The following PTPRN2 variants were observed in gnomAD, a reference collection of about 807,000 sequenced individuals.
The protein encoded by PTPRN2 is receptor-type tyrosine-protein phosphatase N2.
Under a neutral mutation model 118.8 loss-of-function variants are expected in PTPRN2, and 74 were observed. The observed-to-expected ratio is 0.62, with a 90% CI of 0.52 to 0.76. The LOEUF (loss-of-function observed/expected upper bound fraction) is 0.76, where lower values mean the gene tolerates loss of function less well. Ranked by LOEUF, PTPRN2 falls within the 30% of genes least tolerant of loss-of-function variation. The probability of loss-of-function intolerance (pLI) is 0.00; values close to 1 mark genes in which losing one functional copy is unlikely to be tolerated. For synonymous variants in PTPRN2, 641 were observed against 608.0 expected (o/e 1.05, Z -0.80); for missense variants, 1,481 against 1,394.4 (o/e 1.06, Z -0.99).
At chr7:157,832,096 C>T (rs951273456) in intron 12 of PTPRN2, among the ~76,000 whole-genome samples, 18 of 152,276 alleles carry the variant, frequency 1.2e-4, no homozygotes, top group Middle Eastern at 3.4e-3. Context: ...CAGCAGCGCC[C>T]GGAAGCTCGG....
chr7:157,884,103 G>A (rs943813569), intron 12 of PTPRN2, among the ~76,000 whole-genome samples: 2 of 151,630 alleles, frequency 1.3e-5, no homozygotes, highest in Admixed American at 6.6e-5. Flanking sequence ...CAAAATGCCT[G>A]TCAGAGACCA....
intron 6 of PTPRN2, among the ~76,000 whole-genome samples, chr7:158,155,607 T>TCAA (rs1821707676): frequency 1.3e-5 from 2 of 151,306 alleles, no homozygotes; most frequent in African/African-American, 2.4e-5. Context: ...ATCATCACCA[T>TCAA]CACCATCAAC....
At chr7:158,378,277 C>T (rs1256363711) in intron 2 of PTPRN2, among the ~76,000 whole-genome samples, 2 of 152,174 alleles carry the variant, frequency 1.3e-5, no homozygotes, top group Non-Finnish European at 2.9e-5. Flanking sequence ...TCTTGACATT[C>T]GCTCCCCAGG....
intron 11 of PTPRN2, among the ~76,000 whole-genome samples, chr7:158,071,423 G>GGAGGTGCTCGTGGTT (rs1811592130): frequency 2.6e-5 from 3 of 114,672 alleles, no homozygotes; most frequent in Non-Finnish European, 5.6e-5. Context: ...TCCTGGTGGT[G>GGAGGTGCTCGTGGTT]GAGGTGCTCG....
At chr7:158,284,531 G>A (rs1371525387) in intron 3 of PTPRN2, among the ~76,000 whole-genome samples, 2 of 152,180 alleles carry the variant, frequency 1.3e-5, no homozygotes, top group Non-Finnish European at 2.9e-5. Context: ...GAGAATTTGA[G>A]CTCAGGCAGA....
rs905708581 is a variant in PTPRN2, at chr7:157,632,989, C to T, written c.2197-11480G>A. 2.0e-5 allele frequency among the ~76,000 whole-genome samples: 3 copies of T among 152,044 alleles called. No homozygotes were observed. The highest frequency in any genetic ancestry group is 4.8e-5 in the African/African-American group (2 of 41,404). ...GCTGTCATTTCTGTCGGATTCCTGCCGATGTTGTGGTGGTCTAGTCATCTG... is the reference window on the plus strand; with the variant it reads ...GCTGTCATTTCTGTCGGATTCCTGCTGATGTTGTGGTGGTCTAGTCATCTG... On this transcript the variant is annotated intron_variant, in intron 14 of 22. Coordinates refer to ENST00000389418, the MANE Select transcript of PTPRN2 (RefSeq NM_002847.5). The surrounding 1 kb of genome is among the most constrained non-coding windows in gnomAD (Gnocchi z 4.3).
At chr7:157,910,704 A>ATGTG (rs1563231556) in intron 11 of PTPRN2, among the ~76,000 whole-genome samples, 10 of 85,544 alleles carry the variant, frequency 1.2e-4, no homozygotes, top group African/African-American at 5.3e-4. Flanking sequence ...GCGGCAGGGC[A>ATGTG]CGTGTGTGTG....
intron 11 of PTPRN2, among the ~76,000 whole-genome samples, chr7:157,912,589 A>G (rs1238064228): frequency 6.6e-6 from 1 of 152,230 alleles, no homozygotes; most frequent in Non-Finnish European, 1.5e-5. Flanking sequence ...CTATATAAAG[A>G]TATCTATATA....
chr7:158,089,650 T>G (rs62480183), intron 10 of PTPRN2, among the ~76,000 whole-genome samples: 12,812 of 37,868 alleles, frequency 0.34, 1,931 homozygotes, highest in Middle Eastern at 0.59. Context: ...CTTCCCCTGA[T>G]GAAAGGGGGA....
In PTPRN2 at chr7:157,583,621, C is replaced by T. The variant is rs1800505600; in HGVS notation, c.2497-5481G>A. Among the ~76,000 whole-genome samples, 1 of 152,224 alleles carries T rather than the reference C, an allele frequency of 6.6e-6. No individual in the cohort carries two copies. The highest frequency in any genetic ancestry group is 6.5e-5 in the Admixed American group (1 of 15,294). On this transcript the variant is annotated intron_variant, in intron 17 of 22. Coordinates refer to ENST00000389418, the MANE Select transcript of PTPRN2 (RefSeq NM_002847.5). The surrounding 1 kb of genome is among the most constrained non-coding windows in gnomAD (Gnocchi z 5.5). ...CAACTCGACCGGGCACAGGGGCTCG[C>T]ACCTCTAATCCCAGCACTTTGGGAG...
At chr7:158,103,488 C>T (rs1334001093) in intron 10 of PTPRN2, among the ~76,000 whole-genome samples, 5 of 152,230 alleles carry the variant, frequency 3.3e-5, no homozygotes, top group African/African-American at 7.2e-5. Flanking sequence ...CATGGAGCAG[C>T]GATGTCCGAG....
At chr7:158,317,002 C>A (rs1802389146) in intron 2 of PTPRN2, 70 bp from the exon 3 acceptor site, 3 of 1,197,858 alleles carry the variant, frequency 2.5e-6, no homozygotes, top group Non-Finnish European at 2.4e-6. Context: ...GTGTCACACA[C>A]GTCCTTGCAA....
rs147331770 is a variant in PTPRN2 at position 158,274,627 on chromosome 7, C to T, written c.277+42192G>A. ...AGCTTGTCAGCAGCCTTCCTGGGAA[C>T]GCTGTGGAAATGTGTGGAGGGGCCG... On this transcript the variant is annotated intron_variant, in intron 3 of 22. Transcript: ENST00000389418. 1.8e-3 allele frequency among the ~76,000 whole-genome samples: 274 copies of T among 152,290 alleles called. 1 individual carries two copies. Among genetic ancestry groups the T allele is most frequent in the South Asian group, 5.0e-3 (24 of 4,830 alleles).
intron 2 of PTPRN2, among the ~76,000 whole-genome samples, chr7:158,375,877 C>T (rs1247186253): frequency 1.3e-5 from 2 of 152,180 alleles, no homozygotes; most frequent in African/African-American, 2.4e-5. Flanking sequence ...TCCATCCCCT[C>T]TCCAGCTCCC....
intron 12 of PTPRN2, among the ~76,000 whole-genome samples, chr7:157,888,293 C>T (rs944675717): frequency 5.9e-5 from 9 of 152,246 alleles, no homozygotes; most frequent in Middle Eastern, 3.4e-3. Context: ...GCAAGCTCAG[C>T]TCAGTCACCT....
chr7:158,247,378 T>C (rs1257743936), intron 3 of PTPRN2, among the ~76,000 whole-genome samples: 2 of 152,106 alleles, frequency 1.3e-5, no homozygotes, highest in African/African-American at 4.8e-5. Context: ...CTTGACCGTG[T>C]CTGCGTGTCT....
chr7:157,684,502 C>T (rs1293710367), intron 12 of PTPRN2, among the ~76,000 whole-genome samples: 1 of 151,906 alleles, frequency 6.6e-6, no homozygotes, highest in African/African-American at 2.4e-5. Flanking sequence ...CCCGTTTGGT[C>T]CGGACCCCGC....
intron 12 of PTPRN2, among the ~76,000 whole-genome samples, chr7:157,817,853 C>T (rs563342042): frequency 7.9e-5 from 12 of 150,970 alleles, no homozygotes; most frequent in South Asian, 6.4e-4. Flanking sequence ...GTGTGTGGTG[C>T]GTGTGTGTGG....
chr7:157,803,326 G>A (rs75495362), intron 12 of PTPRN2, among the ~76,000 whole-genome samples: 33 of 152,000 alleles, frequency 2.2e-4, no homozygotes, highest in African/African-American at 5.8e-4. Flanking sequence ...TTTCCTCCCC[G>A]GTGACCAGTA....
Sources: gnomAD v4.1 joint callset for allele counts (sites outside exome capture counted in the v4.1 genomes callset) on GRCh38, gnomAD v4.1.1 for gene constraint, Gnocchi (gnomAD v3.1) non-coding constraint, MANE v1.5 for transcripts, NCBI Gene and HGNC (gene_info 2026-07-23, HGNC 2026-07-21) for gene names.